The following SCARB2 variants were observed in gnomAD, a reference collection of about 807,000 sequenced individuals.
SCARB2 encodes lysosome membrane protein 2.
A neutral mutation model predicts 58.6 loss-of-function variants in SCARB2; 29 were observed. The ratio of observed to expected loss-of-function variants is 0.49; its 90% CI spans 0.37 to 0.67. The LOEUF is 0.67. Among genes scored for constraint, SCARB2 ranks in the 30% least tolerant of loss-of-function variants. SCARB2 has a pLI of 0.00. For missense variants in SCARB2, 488 were observed against 578.5 expected (o/e 0.84, Z 1.60); for synonymous variants, 195 against 210.1 (o/e 0.93, Z 0.62).
intron 2 of SCARB2, among the ~76,000 whole-genome samples, chr4:76,185,658 C>A (rs760235176): frequency 1.3e-5 from 2 of 152,286 alleles, no homozygotes; most frequent in South Asian, 2.1e-4. Context: ...AAATTAACAT[C>A]GGTATATCTA....
intron 1 of SCARB2, among the ~76,000 whole-genome samples, chr4:76,228,681 A>G (rs1733442544): frequency 6.6e-6 from 1 of 152,044 alleles, no homozygotes; most frequent in African/African-American, 2.4e-5. Flanking sequence ...TAGTACCCCA[A>G]TCCTTTCTGG....
chr4:76,191,585 G>A (rs1256130137), intron 2 of SCARB2, among the ~76,000 whole-genome samples: 2 of 152,140 alleles, frequency 1.3e-5, no homozygotes, highest in Middle Eastern at 6.8e-3. Context: ...TAAGTTTCCT[G>A]AGGCCTCCCC....
chr4:76,233,469 T>C (rs999666480), intron 1 of SCARB2, among the ~76,000 whole-genome samples: 1 of 152,236 alleles, frequency 6.6e-6, no homozygotes, highest in Non-Finnish European at 1.5e-5. Flanking sequence ...TAAAGTCGCG[T>C]GAACTGAAAG....
chr4:76,180,847 T>C, intron 3 of SCARB2, 107 bp downstream of exon 3: 2 of 938,862 alleles, frequency 2.1e-6, no homozygotes, highest in Non-Finnish European at 3.1e-6. Context: ...TATATGTATA[T>C]TTCAACATAA....
intron 1 of SCARB2, among the ~76,000 whole-genome samples, chr4:76,223,319 T>A (rs1733341408): frequency 6.6e-6 from 1 of 152,174 alleles, no homozygotes; most frequent in South Asian, 2.1e-4. Context: ...TTGGTAGATT[T>A]CCAGTGAGTT....
intron 1 of SCARB2, among the ~76,000 whole-genome samples, chr4:76,210,992 A>G (rs1733032721): frequency 6.6e-6 from 1 of 152,254 alleles, no homozygotes; most frequent in Non-Finnish European, 1.5e-5. Context: ...TAACTACATT[A>G]GAATCAAGTT....
At chr4:76,173,115 T>C (rs1578718670) in intron 7 of SCARB2, 1 of 152,192 alleles carries the variant, frequency 6.6e-6, no homozygotes, top group African/African-American at 2.4e-5. Flanking sequence ...CATGTGGCTG[T>C]TAAAACTACT....
rs1238674003 is a variant in SCARB2 at position 76,169,894 on chromosome 4, G to A, written c.1086C>T (p.Asp362=). ...AIEGMHPNQE[D]HETFVDINPL... is the part of the protein sequence containing the mutation. ...GATTAATGTCCACAAATGTCTCATG[G>A]TCTTCCTGATTTGGGTGCATGCCTT... is the stretch of plus-strand genomic sequence containing the variant. Residue 362 remains aspartate (D), a synonymous_variant, in exon 8 of 12, where the codon GAC becomes GAT. Coordinates refer to ENST00000264896, the MANE Select transcript of SCARB2 (RefSeq NM_005506.4). The A allele has an allele frequency of 3.1e-6, 5 of 1,613,826 alleles. No homozygotes were observed. Among genetic ancestry groups the A allele is most frequent in the Non-Finnish European group, 4.2e-6 (5 of 1,179,740 alleles).
At chr4:76,185,821 G>A (rs758783959) in intron 2 of SCARB2, among the ~76,000 whole-genome samples, 11 of 152,326 alleles carry the variant, frequency 7.2e-5, no homozygotes, top group Non-Finnish European at 8.8e-5. Flanking sequence ...ACTAGACTGA[G>A]ATCTGGCTGG....
intron 1 of SCARB2, among the ~76,000 whole-genome samples, chr4:76,209,241 T>A (rs1732991713): frequency 6.6e-6 from 1 of 152,238 alleles, no homozygotes; most frequent in Non-Finnish European, 1.5e-5. Flanking sequence ...AAATGATATA[T>A]AGCTGAATGC....
At chr4:76,169,079 G>A (rs986237861) in intron 8 of SCARB2, among the ~76,000 whole-genome samples, 1 of 152,228 alleles carries the variant, frequency 6.6e-6, no homozygotes, top group South Asian at 2.1e-4. Context: ...TGATGGCTAA[G>A]AGAAAAGGGA....
chr4:76,165,974 C>CCTGTTT, intron 10 of SCARB2: 3 of 544,770 alleles, frequency 5.5e-6, no homozygotes, highest in Non-Finnish European at 9.9e-6. Flanking sequence ...GCTCCTTTTA[C>CCTGTTT]CTGTTTCTGT....
At position 76,164,749 on chromosome 4, in the gene SCARB2, C is replaced by CA. The variant is rs1001685297; in HGVS notation, c.1240-1367dup. On this transcript the variant is annotated intron_variant, in intron 10 of 11. Transcript: ENST00000264896. ...CCGGGAAGTCGAGGCTGCAGTGAGC[C>CA]AAAATCGCACCACTGTAGAGGGTGA... 4 of 140,246 alleles carry CA rather than the reference C, an allele frequency of 2.9e-5. No individual in the cohort carries two copies. The East Asian group carries it at 8.5e-4, about 30-fold the overall frequency. 8.7% of individuals were successfully genotyped at this position (140,246 alleles called of 1,614,324 possible).
intron 8 of SCARB2, 104 bp downstream of exon 8, chr4:76,169,763 T>A: frequency 1.0e-6 from 1 of 957,272 alleles, no homozygotes; most frequent in African/African-American, 1.6e-5. Flanking sequence ...AATATGTATA[T>A]GAAAGTAAGG....
chr4:76,199,409 T>C (rs529415481), intron 1 of SCARB2, among the ~76,000 whole-genome samples: 2 of 152,354 alleles, frequency 1.3e-5, no homozygotes, highest in African/African-American at 2.4e-5. Context: ...AATGTTTTTA[T>C]TCATAGGAGA....
At chr4:76,192,374 T>C (rs1025878040) in intron 2 of SCARB2, 1 of 152,206 alleles carries the variant, frequency 6.6e-6, no homozygotes, top group Non-Finnish European at 1.5e-5. Context: ...AAAGTTCACA[T>C]GTGTTATGCC....
intron 11 of SCARB2, chr4:76,162,922 AT>A (rs1359839760): frequency 4.9e-5 from 28 of 576,188 alleles, no homozygotes; most frequent in Admixed American, 4.0e-4. Flanking sequence ...TAACTGTTAT[AT>A]ATTCTTCCTT....
intron 2 of SCARB2, among the ~76,000 whole-genome samples, chr4:76,185,982 C>A (rs1441503564): frequency 6.6e-6 from 1 of 152,218 alleles, no homozygotes; most frequent in Non-Finnish European, 1.5e-5. Context: ...CTACCTGGCA[C>A]ACCTGCTGCT....
intron 1 of SCARB2, among the ~76,000 whole-genome samples, chr4:76,230,899 A>G (rs4321663): frequency 0.15 from 22,817 of 152,180 alleles, 2,049 homozygotes; most frequent in East Asian, 0.35. Flanking sequence ...AAGCTTGGGC[A>G]TGGCTTAATT....
Sources: gnomAD v4.1 joint callset for allele counts (sites outside exome capture counted in the v4.1 genomes callset) on GRCh38, gnomAD v4.1.1 for gene constraint, MANE v1.5 for transcripts, NCBI Gene and HGNC (gene_info 2026-07-23, HGNC 2026-07-21) for gene names.